The following PDE7A variants were observed in gnomAD, a reference collection of about 807,000 sequenced individuals.
PDE7A encodes high affinity 3',5'-cyclic-AMP phosphodiesterase 7A.
PDE7A carries 39 observed loss-of-function variants against 64.3 expected under a neutral mutation model. That is an observed-to-expected ratio of 0.61 (90% confidence interval 0.47 to 0.79). The LOEUF is 0.79. Among genes scored for constraint, PDE7A ranks in the 30% least tolerant of loss-of-function variants. The pLI is 0.00. For missense variants in PDE7A, 470 were observed against 582.8 expected, an observed-to-expected ratio of 0.81 and a Z score of 1.99; for synonymous variants, 203 against 206.8, an observed-to-expected ratio of 0.98 and a Z score of 0.16.
chr8:65,814,065 T>A (rs1472706216), intron 1 of PDE7A, among the ~76,000 whole-genome samples: 3 of 140,226 alleles, frequency 2.1e-5, no homozygotes, highest in Non-Finnish European at 4.6e-5. Flanking sequence ...CATTACTGAA[T>A]TTTTTTTTTC....
chr8:65,827,405 T>C (rs1274278994), intron 1 of PDE7A, among the ~76,000 whole-genome samples: 1 of 152,222 alleles, frequency 6.6e-6, no homozygotes, highest in Non-Finnish European at 1.5e-5. Flanking sequence ...ATTAGGCATA[T>C]AGAGACCCTC....
chr8:65,740,176 T>C lies in PDE7A; in HGVS notation c.500-579A>G, dbSNP rs532412006. ...AAAATCTGAGAGTTGCTTGGGGGGG[T>C]GGGGAGGGGGAATCACAAAACTAGG... On this transcript the variant is annotated intron_variant, in intron 5 of 12. Coordinates refer to ENST00000401827, the MANE Select transcript of PDE7A (RefSeq NM_001242318.3). Among the ~76,000 whole-genome samples, 7 of 72,124 alleles carry C rather than the reference T, an allele frequency of 9.7e-5. No homozygotes were observed. The East Asian group carries it at 1.7e-3, about 18-fold the overall frequency. 47.3% of individuals were successfully genotyped at this position (72,124 alleles called of 152,430 possible). A position where few individuals can be genotyped will look rare whatever the true frequency, so the allele number is the denominator to read the frequency against.
At chr8:65,738,206 C>T (rs976855227) in intron 6 of PDE7A, among the ~76,000 whole-genome samples, 6 of 152,060 alleles carry the variant, frequency 3.9e-5, no homozygotes, top group Non-Finnish European at 7.4e-5. Flanking sequence ...CTATAAAATG[C>T]TAATCATTAT....
chr8:65,814,504 C>G (rs560776514), intron 1 of PDE7A, among the ~76,000 whole-genome samples: 1 of 91,802 alleles, frequency 1.1e-5, no homozygotes, highest in South Asian at 4.5e-4. Flanking sequence ...GAGCGAGACT[C>G]CGTCTCAAAA....
chr8:65,831,908 A>G (rs1810831795), intron 1 of PDE7A, among the ~76,000 whole-genome samples: 1 of 152,242 alleles, frequency 6.6e-6, no homozygotes, highest in Non-Finnish European at 1.5e-5. Context: ...CAATAAAGTT[A>G]CATACAATTA....
At chr8:65,759,022 T>C (rs780076677) in intron 3 of PDE7A, among the ~76,000 whole-genome samples, 2 of 152,134 alleles carry the variant, frequency 1.3e-5, no homozygotes, top group Non-Finnish European at 2.9e-5. Flanking sequence ...GGAACATGTC[T>C]TGACTCAGCC....
chr8:65,797,045 T>C (rs1809861560), intron 1 of PDE7A, among the ~76,000 whole-genome samples: 1 of 152,138 alleles, frequency 6.6e-6, no homozygotes, highest in African/African-American at 2.4e-5. Flanking sequence ...TAAAAAATGA[T>C]TGGAAAATGA....
intron 3 of PDE7A, among the ~76,000 whole-genome samples, chr8:65,753,938 C>G (rs914378523): frequency 1.3e-5 from 2 of 151,848 alleles, no homozygotes; most frequent in African/African-American, 4.8e-5. Flanking sequence ...AATATAGTCA[C>G]CCCAGATCTC....
Position 65,841,479 on chromosome 8 carries a change from C to G in PDE7A, c.30G>C (p.Leu10=). 1 of 1,549,578 alleles carries G rather than the reference C, an allele frequency of 6.5e-7. No individual in the cohort carries two copies. ...GCTGGGGGACCGGCCTGTCCAGGGGCAGTACCGGCAGCTGGTAACACACTT... is the reference window on the plus strand; with the variant it reads ...GCTGGGGGACCGGCCTGTCCAGGGGGAGTACCGGCAGCTGGTAACACACTT... MEVCYQLPV[L]PLDRPVPQHV... Residue 10 remains leucine (L), a synonymous_variant, in exon 1 of 13, where the codon CTG becomes CTC. Transcript: ENST00000401827.
chr8:65,785,919 AT>A (rs1195052367), intron 1 of PDE7A, among the ~76,000 whole-genome samples: 3 of 152,126 alleles, frequency 2.0e-5, no homozygotes, highest in Non-Finnish European at 4.4e-5. Context: ...CACATTAAGG[AT>A]TGTGAAAGAC....
At chr8:65,814,725 C>T (rs1810351872) in intron 1 of PDE7A, among the ~76,000 whole-genome samples, 1 of 151,792 alleles carries the variant, frequency 6.6e-6, no homozygotes, top group Non-Finnish European at 1.5e-5. Flanking sequence ...TAATTTTGGC[C>T]AGGTGTGGTG....
chr8:65,755,639 A>G (rs1211142298), intron 3 of PDE7A, among the ~76,000 whole-genome samples: 1 of 152,256 alleles, frequency 6.6e-6, no homozygotes, highest in Non-Finnish European at 1.5e-5. Flanking sequence ...AAATCATATA[A>G]GTAAAAGAGG....
intron 1 of PDE7A, among the ~76,000 whole-genome samples, chr8:65,787,945 A>C (rs886611691): frequency 3.9e-5 from 6 of 152,236 alleles, no homozygotes; most frequent in African/African-American, 1.4e-4. Context: ...TTTAAAACAC[A>C]AAGATTTTAA....
rs1372078477 is a variant in PDE7A, at chr8:65,739,538, A to G, written c.559T>C (p.Phe187Leu). 6.4e-7 allele frequency: 1 copy of G among 1,571,750 alleles called. No homozygotes were observed. Among genetic ancestry groups the G allele is most frequent in the Non-Finnish European group, 8.6e-7 (1 of 1,163,666 alleles). Residue 187 changes from phenylalanine (F) to leucine (L), a missense_variant, in exon 6 of 13, where the codon TTC becomes CTC. Phe to Leu is a conservative substitution (Grantham distance 22). Transcript: ENST00000401827. ...CGAAGTTTCATCATATCTAAATGGA[A>G]GTACTCAATTAATCCATGAAGACTA... ...LFSLHGLIEYFHLDMMKLRRF... is the reference protein window; with the variant it reads ...LFSLHGLIEYLHLDMMKLRRF...
intron 5 of PDE7A, among the ~76,000 whole-genome samples, chr8:65,741,139 C>T (rs1449933625): frequency 3.3e-5 from 5 of 152,150 alleles, no homozygotes; most frequent in Non-Finnish European, 7.3e-5. Flanking sequence ...TTGTAAACTT[C>T]CATAGGACAC....
At chr8:65,768,865 A>G (rs978517433) in intron 3 of PDE7A, among the ~76,000 whole-genome samples, 1 of 152,214 alleles carries the variant, frequency 6.6e-6, no homozygotes, top group African/African-American at 2.4e-5. Flanking sequence ...AAAATAATAC[A>G]AAAAGGTCAA....
chr8:65,741,997 A>C (rs1160186929), intron 5 of PDE7A, among the ~76,000 whole-genome samples: 2 of 152,346 alleles, frequency 1.3e-5, no homozygotes, highest in Middle Eastern at 3.4e-3. Flanking sequence ...TATGTAATTG[A>C]AAAGCTGCAT....
intron 1 of PDE7A, among the ~76,000 whole-genome samples, chr8:65,810,999 C>G (rs185843426): frequency 6.6e-6 from 1 of 151,940 alleles, no homozygotes. Flanking sequence ...TATCTGCAAC[C>G]AAATAAAAGT....
intron 1 of PDE7A, among the ~76,000 whole-genome samples, chr8:65,822,826 AG>A (rs1257429325): frequency 3.9e-5 from 6 of 152,180 alleles, no homozygotes; most frequent in African/African-American, 1.4e-4. Flanking sequence ...ATTTCTATAC[AG>A]GCTCCCCCAC....
Sources: allele counts gnomAD v4.1 joint callset (sites outside exome capture counted in the v4.1 genomes callset), GRCh38; gene constraint gnomAD v4.1.1; transcripts MANE v1.5; gene names NCBI Gene and HGNC (gene_info 2026-07-23, HGNC 2026-07-21).